Variants in SEM1 observed in about 807,000 individuals in gnomAD.
The protein encoded by SEM1 is 26S proteasome complex subunit SEM1.
Under a neutral mutation model 12.7 loss-of-function variants are expected in SEM1, and 3 were observed. That is an observed-to-expected ratio of 0.24 (90% CI 0.11 to 0.61). The LOEUF (loss-of-function observed/expected upper bound fraction) is 0.61, where lower values mean the gene tolerates loss of function less well. SEM1 is among the 20% of genes least tolerant of loss of function. The pLI is 0.88. For synonymous variants in SEM1, 30 were observed against 27.8 expected, an observed-to-expected ratio of 1.08 and a Z score of -0.25; for missense variants, 59 against 81.3, an observed-to-expected ratio of 0.73 and a Z score of 1.06.
At chr7:96,642,074 A>G (rs536762088) in intron 2 of SEM1, among the ~76,000 whole-genome samples, 201 of 152,222 alleles carry the variant, frequency 1.3e-3, no homozygotes, top group African/African-American at 4.7e-3. Flanking sequence ...AAAATTAAGT[A>G]AAATGAAAAT....
At position 96,514,083 on chromosome 7, in the gene SEM1, A is replaced by G. The variant is rs903970242; in HGVS notation, c.171-7385T>C. On this transcript the variant is annotated intron_variant and NMD_transcript_variant, in intron 2 of 3. Coordinates refer to the SEM1 transcript ENST00000466986. Reference sequence around the variant, plus strand: ...GAAAGAAAATTTACTATTACAAGCAATGTTGCCACAAACATATTTATTCAA... The same window carrying G: ...GAAAGAAAATTTACTATTACAAGCAGTGTTGCCACAAACATATTTATTCAA... Among the ~76,000 whole-genome samples, 4 of 152,122 alleles carry G rather than the reference A, an allele frequency of 2.6e-5. No individual in the cohort carries two copies. In the East Asian group the frequency reaches 5.8e-4, roughly 22 times the overall value.
At chr7:96,568,868 G>C (rs1805932647) in intron 2 of SEM1, among the ~76,000 whole-genome samples, 1 of 151,720 alleles carries the variant, frequency 6.6e-6, no homozygotes, top group Non-Finnish European at 1.5e-5. Context: ...AGTTCTATGT[G>C]TATTCATTTT....
intron 2 of SEM1, among the ~76,000 whole-genome samples, chr7:96,573,139 G>C (rs1415449980): frequency 2.7e-5 from 4 of 148,746 alleles, no homozygotes; most frequent in Non-Finnish European, 5.9e-5. Flanking sequence ...CCATTTGCTT[G>C]GTAAATATTC....
intron 2 of SEM1, among the ~76,000 whole-genome samples, chr7:96,516,659 T>A (rs1804104787): frequency 6.6e-6 from 1 of 152,208 alleles, no homozygotes; most frequent in East Asian, 1.9e-4. Context: ...ACAGCCACTT[T>A]GGAAGACAGT....
At chr7:96,526,806 A>G (rs1285093426) in intron 2 of SEM1, among the ~76,000 whole-genome samples, 2 of 151,956 alleles carry the variant, frequency 1.3e-5, no homozygotes, top group African/African-American at 2.4e-5. Flanking sequence ...AGGTTAGGAC[A>G]GTTTTTTGTT....
At chr7:96,601,081 G>A (rs550304504) in intron 2 of SEM1, among the ~76,000 whole-genome samples, 1 of 152,268 alleles carries the variant, frequency 6.6e-6, no homozygotes, top group South Asian at 2.1e-4. Flanking sequence ...GTTGTCCATA[G>A]GCTTGACCTG....
intron 2 of SEM1, among the ~76,000 whole-genome samples, chr7:96,654,673 T>A (rs1387556434): frequency 6.6e-6 from 1 of 152,080 alleles, no homozygotes; most frequent in Non-Finnish European, 1.5e-5. Context: ...AGGCTAAGCT[T>A]TGATGTTTGG....
At chr7:96,610,585 T>C (rs1315788674) in intron 2 of SEM1, among the ~76,000 whole-genome samples, 1 of 152,208 alleles carries the variant, frequency 6.6e-6, no homozygotes, top group Non-Finnish European at 1.5e-5. Flanking sequence ...TGACAATATA[T>C]CTTAAATATG....
intron 1 of SEM1, among the ~76,000 whole-genome samples, chr7:96,707,954 T>C (rs1184361353): frequency 6.6e-6 from 1 of 152,226 alleles, no homozygotes; most frequent in East Asian, 1.9e-4. Context: ...AGTTAGACCT[T>C]TCAGATCCTG....
At chr7:96,650,686 A>G (rs748536791) in intron 2 of SEM1, among the ~76,000 whole-genome samples, 69 of 148,938 alleles carry the variant, frequency 4.6e-4, no homozygotes, top group Non-Finnish European at 8.9e-4. Context: ...AGATGCGCGC[A>G]CACACACACA....
intron 2 of SEM1, among the ~76,000 whole-genome samples, chr7:96,692,280 T>C (rs901560344): frequency 1.3e-5 from 2 of 152,144 alleles, no homozygotes; most frequent in African/African-American, 4.8e-5. Context: ...AAAGTGCTAA[T>C]GAAAGACATA....
At chr7:96,533,927 A>G (rs1163712466) in intron 2 of SEM1, among the ~76,000 whole-genome samples, 2 of 152,044 alleles carry the variant, frequency 1.3e-5, no homozygotes, top group African/African-American at 2.4e-5. Context: ...GTAACTTAAT[A>G]ATGTTCTGGT....
chr7:96,656,054 A>G (rs1315059692), intron 2 of SEM1, among the ~76,000 whole-genome samples: 4 of 152,206 alleles, frequency 2.6e-5, no homozygotes, highest in Non-Finnish European at 1.5e-5. Context: ...TTTTGCTCCC[A>G]TGCCTCCATA....
At chr7:96,551,744 C>G (rs1805283800) in intron 2 of SEM1, among the ~76,000 whole-genome samples, 1 of 142,888 alleles carries the variant, frequency 7.0e-6, no homozygotes, top group Non-Finnish European at 1.5e-5. Context: ...AAAAGAATTA[C>G]ATACACACAG....
rs1584760189 is a variant in SEM1 at position 96,555,807 on chromosome 7, A to G, written c.171-49109T>C. On this transcript the variant is annotated intron_variant and NMD_transcript_variant, in intron 2 of 3. Transcript: ENST00000466986. Reference sequence around the variant, plus strand: ...CAGTGGGGTGTTAAAGTCTCCCATTATTAACGTGTGGGAGTCTAAGTCTCT... The same window carrying G: ...CAGTGGGGTGTTAAAGTCTCCCATTGTTAACGTGTGGGAGTCTAAGTCTCT... Among the ~76,000 whole-genome samples the G allele has an allele frequency of 2.7e-5, 4 of 148,586 alleles. No homozygotes were observed. In the East Asian group the frequency reaches 5.9e-4, roughly 22 times the overall value.
intron 2 of SEM1, among the ~76,000 whole-genome samples, chr7:96,580,948 T>A (rs1584781299): frequency 6.6e-6 from 1 of 152,346 alleles, no homozygotes; most frequent in East Asian, 1.9e-4. Context: ...TAGTTTCTTT[T>A]GCTGTGCAGA....
rs559515856 is a variant in SEM1, at chr7:96,523,606, C to T, written c.171-16908G>A. On this transcript the variant is annotated intron_variant and NMD_transcript_variant, in intron 2 of 3. Transcript: ENST00000466986. Reference sequence around the variant, plus strand: ...TTGCGGTTCAGACCATTAGCTTATTCAACATTTCCCTTTCCTGACCACAGC... The same window carrying T: ...TTGCGGTTCAGACCATTAGCTTATTTAACATTTCCCTTTCCTGACCACAGC... 6.6e-5 allele frequency among the ~76,000 whole-genome samples: 10 copies of T among 152,198 alleles called. No homozygotes were observed. The East Asian group carries it at 1.9e-3, about 30-fold the overall frequency.
intron 1 of SEM1, among the ~76,000 whole-genome samples, chr7:96,707,843 T>TG (rs1790519707): frequency 6.6e-6 from 1 of 152,242 alleles, no homozygotes; most frequent in South Asian, 2.1e-4. Flanking sequence ...CTACTCATTT[T>TG]AAATGCGGGT....
intron 2 of SEM1, among the ~76,000 whole-genome samples, chr7:96,651,605 T>TCTGTCACCCAGGCTGGAGTG (rs1168391573): frequency 4.6e-5 from 7 of 152,190 alleles, no homozygotes; most frequent in African/African-American, 1.7e-4. Context: ...AGAGTCTTGC[T>TCTGTCACCCAGGCTGGAGTG]CTGTCACCCA....
Sources: allele counts gnomAD v4.1 joint callset (sites outside exome capture counted in the v4.1 genomes callset), GRCh38; gene constraint gnomAD v4.1.1; transcripts MANE v1.5; gene names NCBI Gene and HGNC (gene_info 2026-07-23, HGNC 2026-07-21).